NAT14: variants seen among roughly 807,000 people sequenced by gnomAD.
NAT14 encodes the protein N-acetyltransferase 14 (putative), also known as probable N-acetyltransferase 14.
NAT14 carries 14 observed loss-of-function variants against 12.1 expected under a neutral mutation model. The ratio of observed to expected loss-of-function variants is 1.16; its 90% CI spans 0.76 to 1.81. The LOEUF (loss-of-function observed/expected upper bound fraction) is 1.81. NAT14 is among the 40% of genes most tolerant of loss of function. The probability of loss-of-function intolerance (pLI) is 0.00; values close to 1 mark genes in which losing one functional copy is unlikely to be tolerated. For synonymous variants in NAT14, 156 were observed against 145.1 expected (o/e 1.08, Z -0.54); for missense variants, 341 against 304.3 (o/e 1.12, Z -0.90).
intron 1 of NAT14, 146 bp downstream of exon 1, chr19:55,485,404 G>A (rs901153179): frequency 5.2e-5 from 19 of 366,032 alleles, no homozygotes; most frequent in Middle Eastern, 1.5e-3. Flanking sequence ...AGGGAGCCCC[G>A]TGCTGCAGTG....
At position 55,486,564 on chromosome 19, in the gene NAT14, G is replaced by A. The variant is rs561771561; in HGVS notation, c.229G>A (p.Val77Met). ...GCCGGTGTTCCTGGCTGTGGCCGCC[G>A]TGAAGCTGGGCCTGCGGGCCCGATG... ...LLPVFLAVAA[V>M]KLGLRARWGS... Residue 77 changes from valine to methionine, a missense_variant, in exon 3 of 3, where the codon GTG becomes ATG. Transcript: ENST00000205194. 5 of 1,584,926 alleles carry A rather than the reference G, an allele frequency of 3.2e-6. No homozygotes were observed. In the South Asian group the frequency reaches 5.6e-5, roughly 18 times the overall value.
Position 55,486,892 on chromosome 19 carries a change from A to C in NAT14, c.557A>C (p.Gln186Pro). The C allele has an allele frequency of 6.5e-7, 1 of 1,541,252 alleles. No individual in the cohort carries two copies. Among genetic ancestry groups the C allele is most frequent in the African/African-American group, 1.4e-5 (1 of 70,708 alleles). Residue 186 changes from glutamine to proline, a missense_variant, in exon 3 of 3, where the codon CAG (glutamine) becomes CCG (proline). Physicochemically the swap from Gln to Pro is moderately conservative, Grantham distance 76. Transcript: ENST00000205194. ...VGGMLEGCGY[Q>P]AEGGWGCLGY... is the part of the protein sequence containing the mutation. ...GGGATGCTGGAGGGCTGTGGCTACC[A>C]GGCCGAGGGGGGCTGGGGCTGCCTG...
rs1230574359 is a variant in NAT14, at chr19:55,487,145, G to C, written c.*189G>C. On this transcript the variant is annotated 3_prime_UTR_variant, in exon 3 of 3. Transcript: ENST00000205194. ...ACCCGTCAGCAGTGTGAAGTCTGTTGTGTTTGAGCTTCTCAGAGTGGAATG... is the reference window on the plus strand; with the variant it reads ...ACCCGTCAGCAGTGTGAAGTCTGTTCTGTTTGAGCTTCTCAGAGTGGAATG... The C allele has an allele frequency of 4.6e-6, 4 of 860,898 alleles. No homozygotes were observed. Among genetic ancestry groups the C allele is most frequent in the Non-Finnish European group, 6.7e-6 (4 of 596,752 alleles). 53.3% of individuals were successfully genotyped at this position (860,898 alleles called of 1,614,324 possible).
intron 1 of NAT14, 124 bp from the exon 2 acceptor site, chr19:55,485,537 C>T: frequency 1.7e-6 from 1 of 589,422 alleles, no homozygotes; most frequent in Admixed American, 3.0e-5. Context: ...GAGATCCTCG[C>T]TTGGGGGCCC....
Position 55,485,650 on chromosome 19 carries a change from GT to G in NAT14, c.-48-9del. On this transcript the variant is annotated splice_polypyrimidine_tract_variant and intron_variant, in intron 1 of 2. Coordinates refer to ENST00000205194, the MANE Select transcript of NAT14 (RefSeq NM_020378.4). ...GCCCCCCTGACGCTGACCTACTTAT[GT>G]TCTCACCAGGTGCACGACGCCAGCT... The G allele has an allele frequency of 7.0e-7, 1 of 1,424,852 alleles. No individual in the cohort carries two copies. The highest frequency in any genetic ancestry group is 9.7e-7 in the Non-Finnish European group (1 of 1,032,770). The allele number at this position is 1,424,852 out of a possible 1,614,324, so 88.3% of individuals were successfully genotyped here. A position where few individuals can be genotyped will look rare whatever the true frequency, so the allele number is the denominator to read the frequency against.
At chr19:55,485,966 C>T (rs1986902955) in intron 2 of NAT14, 186 bp downstream of exon 2, 4 of 620,982 alleles carry the variant, frequency 6.4e-6, no homozygotes, top group Non-Finnish European at 1.1e-5. Flanking sequence ...GCTCACCCCC[C>T]CAGCCCTACT....
Position 55,485,717 on chromosome 19 carries a change from C to CAG in NAT14, c.10_11dup (p.Ser4ArgfsTer9). The stretch of plus-strand genomic sequence containing the variant: ...GGGGCCTGGGGGTTGCCATGGCCCC[C>CAG]AGCCACCTGTCAGTGCGGGAGATGA... On this transcript the variant is annotated frameshift_variant, in exon 2 of 3. Transcript: ENST00000205194. LOFTEE classifies it high-confidence loss of function. 2 of 1,550,912 alleles carry CAG rather than the reference C, an allele frequency of 1.3e-6. No homozygotes were observed. The highest frequency in any genetic ancestry group is 1.7e-6 in the Non-Finnish European group (2 of 1,146,510).
Position 55,486,699 on chromosome 19 carries a change from G to A in NAT14, c.364G>A (p.Gly122Arg), listed in dbSNP as rs1986928436. The A allele has an allele frequency of 1.4e-6, 2 of 1,424,256 alleles. No individual in the cohort carries two copies. Among genetic ancestry groups the A allele is most frequent in the African/African-American group, 3.0e-5 (2 of 66,128 alleles). The allele number at this position is 1,424,256 out of a possible 1,614,324, so 88.2% of individuals were successfully genotyped here. A position where few individuals can be genotyped will look rare whatever the true frequency, so the allele number is the denominator to read the frequency against. Residue 122 changes from glycine to arginine, a missense_variant, in exon 3 of 3, where the codon GGG becomes AGG. Gly to Arg is a moderately radical substitution (Grantham distance 125). Transcript: ENST00000205194. Reference sequence around the variant, plus strand: ...GGCCCCTGGCACAAATGCAGGGGACGGGGCCCGGGTCACCCGCCTGTCTGT... The same window carrying A: ...GGCCCCTGGCACAAATGCAGGGGACAGGGCCCGGGTCACCCGCCTGTCTGT... ...ALAPGTNAGD[G>R]ARVTRLSVSR...
rs1399349495 is a variant in NAT14 at position 55,487,193 on chromosome 19, CG to C, written c.*242del. The C allele has an allele frequency of 2.3e-5, 14 of 607,944 alleles. No individual in the cohort carries two copies. The East Asian group carries it at 3.4e-4, about 15-fold the overall frequency. The allele number at this position is 607,944 out of a possible 1,614,324, so 37.7% of individuals were successfully genotyped here. A position where few individuals can be genotyped will look rare whatever the true frequency, so the allele number is the denominator to read the frequency against. On this transcript the variant is annotated 3_prime_UTR_variant, in exon 3 of 3. Transcript: ENST00000205194. The stretch of plus-strand genomic sequence containing the variant: ...ATGACTCCTTTTCCTTCCTGGCCCT[CG>C]GGGGCCTCTCGAGGTCAGCCTCTCC...
chr19:55,486,245 C>A, intron 2 of NAT14, 163 bp from the exon 3 acceptor site: 1 of 942,010 alleles, frequency 1.1e-6, no homozygotes, highest in Non-Finnish European at 1.5e-6. Flanking sequence ...CGCTCTCGTT[C>A]ATTCATTCAC....
chr19:55,486,001 C>T, intron 2 of NAT14: 1 of 604,054 alleles, frequency 1.7e-6, no homozygotes, highest in Non-Finnish European at 2.9e-6. Context: ...AACGCCCTCC[C>T]TGGTCTCCCA....
chr19:55,486,031 G>A (rs2123419184), intron 2 of NAT14: 2 of 596,792 alleles, frequency 3.4e-6, no homozygotes, highest in East Asian at 2.8e-5. Flanking sequence ...GGCTGTGCAC[G>A]CCAGCACAAC....
chr19:55,486,206 G>T, intron 2 of NAT14: 1 of 690,934 alleles, frequency 1.4e-6, no homozygotes, highest in Non-Finnish European at 2.2e-6. Context: ...TGCCCCCACA[G>T]CTCCTAATTC....
At position 55,485,775 on chromosome 19, in the gene NAT14, C is replaced by A; in HGVS notation, c.67C>A (p.Leu23Met). 2 of 1,550,046 alleles carry A rather than the reference C, an allele frequency of 1.3e-6. No individual in the cohort carries two copies. Among genetic ancestry groups the A allele is most frequent in the Non-Finnish European group, 1.7e-6 (2 of 1,145,816 alleles). The change falls in exon 2 of 3, where the codon CTG becomes ATG. Residue 23 changes from leucine to methionine, a missense_variant. Leu to Met is a conservative substitution (Grantham distance 15). Transcript: ENST00000205194. ...EDEKPLVLEM[L>M]KAGVKDTENR... is the part of the protein sequence containing the mutation. ...TGAGAAGCCCCTGGTGCTGGAGATG[C>A]TGAAGGTGAGAGGCAGGGGCCCCAG... is the stretch of plus-strand genomic sequence containing the variant.
chr19:55,485,597 C>A (rs957786929), intron 1 of NAT14, 64 bp from the exon 2 acceptor site: 2 of 874,052 alleles, frequency 2.3e-6, no homozygotes, highest in African/African-American at 3.4e-5. Context: ...TGCTCCCTAC[C>A]CCTCGGGGGA....
rs1255209419 is a variant in NAT14, at chr19:55,487,497, G to C, written c.*541G>C. The stretch of plus-strand genomic sequence containing the variant: ...CTCTGGGAAGGTTGAGAGCTGAGAC[G>C]GGCAGCCCTGTCCCTTCCTCCAGAT... On this transcript the variant is annotated 3_prime_UTR_variant, in exon 3 of 3. Transcript: ENST00000205194. 5 of 396,580 alleles carry C rather than the reference G, an allele frequency of 1.3e-5. No individual in the cohort carries two copies. Among genetic ancestry groups the C allele is most frequent in the Non-Finnish European group, 2.2e-5 (5 of 225,288 alleles). The allele number at this position is 396,580 out of a possible 1,614,324, so 24.6% of individuals were successfully genotyped here. A position where few individuals can be genotyped will look rare whatever the true frequency, so the allele number is the denominator to read the frequency against.
At position 55,486,764 on chromosome 19, in the gene NAT14, G is replaced by A; in HGVS notation, c.429G>A (p.Leu143=). Residue 143 remains leucine, a synonymous_variant, in exon 3 of 3, where the codon CTG becomes CTA. Coordinates refer to ENST00000205194, the MANE Select transcript of NAT14 (RefSeq NM_020378.4). ...GCCGCCGGGGCGTGGGCAGGAGGCT[G>A]CTGGCCTTCGCGGAGGCCCGGGCTC... ...WHRRRGVGRR[L]LAFAEARARA... 1.4e-6 allele frequency: 2 copies of A among 1,421,156 alleles called. No individual in the cohort carries two copies. The highest frequency in any genetic ancestry group is 1.8e-6 in the Non-Finnish European group (2 of 1,098,786). The allele number at this position is 1,421,156 out of a possible 1,614,324, so 88.0% of individuals were successfully genotyped here. A position where few individuals can be genotyped will look rare whatever the true frequency, so the allele number is the denominator to read the frequency against.
chr19:55,485,717 C>A lies in NAT14; in HGVS notation c.9C>A (p.Pro3=), dbSNP rs1229670892. 6.4e-7 allele frequency: 1 copy of A among 1,550,794 alleles called. No homozygotes were observed. Among genetic ancestry groups the A allele is most frequent in the Admixed American group, 2.0e-5 (1 of 50,964 alleles). Residue 3 remains proline (P), a synonymous_variant, in exon 2 of 3, where the codon CCC becomes CCA. Transcript: ENST00000205194. MA[P]SHLSVREMRE... ...GGGGCCTGGGGGTTGCCATGGCCCCCAGCCACCTGTCAGTGCGGGAGATGA... is the reference window on the plus strand; with the variant it reads ...GGGGCCTGGGGGTTGCCATGGCCCCAAGCCACCTGTCAGTGCGGGAGATGA...
At chr19:55,485,347 C>T (rs1242826957) in intron 1 of NAT14, 89 bp downstream of exon 1, 3 of 245,906 alleles carry the variant, frequency 1.2e-5, no homozygotes, top group East Asian at 1.6e-4. Flanking sequence ...GAGCGTGGTC[C>T]GTTCTCTGGC....
Sources: allele counts gnomAD v4.1 joint callset, GRCh38; gene constraint gnomAD v4.1.1; transcripts MANE v1.5; gene names NCBI Gene and HGNC (gene_info 2026-07-23, HGNC 2026-07-21).